PRKG1: variants seen among roughly 807,000 people sequenced by gnomAD.
The protein encoded by PRKG1 is cGMP-dependent protein kinase 1.
In PRKG1, 35 loss-of-function variants were observed where a neutral mutation model predicts 88.1. That is an observed-to-expected ratio of 0.40 (90% confidence interval 0.30 to 0.53). The LOEUF is 0.53. PRKG1 is among the 20% of genes least tolerant of loss of function. The pLI is 0.59. For missense variants in PRKG1, 540 were observed against 839.8 expected, an observed-to-expected ratio of 0.64 and a Z score of 4.41; for synonymous variants, 303 against 292.5, an observed-to-expected ratio of 1.04 and a Z score of -0.37.
intron 9 of PRKG1, among the ~76,000 whole-genome samples, chr10:52,215,910 C>T (rs1840098919): frequency 6.6e-6 from 1 of 152,142 alleles, no homozygotes; most frequent in Non-Finnish European, 1.5e-5. Flanking sequence ...AAAGGCCTAA[C>T]TTGAAGGCAA....
chr10:51,681,302 A>T (rs185773836), intron 3 of PRKG1, among the ~76,000 whole-genome samples: 10 of 152,180 alleles, frequency 6.6e-5, no homozygotes, highest in African/African-American at 2.4e-4. Context: ...TAAATTTTAT[A>T]TAGAATATTA....
At chr10:52,174,284 GA>G (rs537204467) in intron 9 of PRKG1, among the ~76,000 whole-genome samples, 13 of 144,516 alleles carry the variant, frequency 9.0e-5, no homozygotes, top group East Asian at 4.0e-4. Flanking sequence ...TAAGTTTAAA[GA>G]AAAAAAAAAG....
chr10:51,267,370 T>C (rs957428889), intron 2 of PRKG1, among the ~76,000 whole-genome samples: 3 of 152,222 alleles, frequency 2.0e-5, no homozygotes, highest in Admixed American at 6.6e-5. Flanking sequence ...ACACAGTTTA[T>C]ATAGTGTCAT....
chr10:52,015,986 A>G (rs78211777), intron 5 of PRKG1, among the ~76,000 whole-genome samples: 6,832 of 152,294 alleles, frequency 0.045, 373 homozygotes, highest in African/African-American at 0.13. Context: ...TTTGGTCAAA[A>G]CCATTAAACA....
intron 4 of PRKG1, among the ~76,000 whole-genome samples, chr10:51,821,191 C>A (rs186823103): frequency 9.7e-4 from 148 of 152,250 alleles, no homozygotes; most frequent in African/African-American, 3.5e-3. Flanking sequence ...AAAGTTTATT[C>A]TTGCTTTGTA....
At chr10:51,114,794 T>C (rs1337422640) in intron 1 of PRKG1, among the ~76,000 whole-genome samples, 1 of 152,164 alleles carries the variant, frequency 6.6e-6, no homozygotes, top group Non-Finnish European at 1.5e-5. Context: ...TGCTAAAACA[T>C]TGTATAGGTT....
chr10:51,005,103 C>T (rs960549435), intron 1 of PRKG1, among the ~76,000 whole-genome samples: 21 of 152,002 alleles, frequency 1.4e-4, no homozygotes, highest in Middle Eastern at 3.4e-3. Flanking sequence ...ATTTACTGAA[C>T]GATATCTTTG....
At chr10:51,225,511 AT>A (rs1489900434) in intron 2 of PRKG1, among the ~76,000 whole-genome samples, 1 of 152,220 alleles carries the variant, frequency 6.6e-6, no homozygotes, top group African/African-American at 2.4e-5. Context: ...CTTGTTTAAT[AT>A]GCTTCATTTC....
In PRKG1 at chr10:51,889,367, T is replaced by A. The variant is rs75771256; in HGVS notation, c.699-18140T>A. ...GAATGATGATTTCCGGCTTCATCCA[T>A]GTCCCTACAAAGGACATGAACTTAT... On this transcript the variant is annotated intron_variant, in intron 4 of 17. Coordinates refer to ENST00000373980, the MANE Select transcript of PRKG1 (RefSeq NM_006258.4). Among the ~76,000 whole-genome samples the A allele has an allele frequency of 4.5e-3, 688 of 152,182 alleles. 3 individuals carry two copies. The highest frequency in any genetic ancestry group is 0.024 in the South Asian group (114 of 4,816).
intron 6 of PRKG1, among the ~76,000 whole-genome samples, chr10:52,056,333 G>GT (rs1846109398): frequency 6.6e-6 from 1 of 152,138 alleles, no homozygotes; most frequent in South Asian, 2.1e-4. Context: ...TTCTAGATTT[G>GT]TTTTTTCTTT....
chr10:52,261,686 A>C (rs773420504), intron 10 of PRKG1, among the ~76,000 whole-genome samples: 1 of 152,096 alleles, frequency 6.6e-6, no homozygotes, highest in Non-Finnish European at 1.5e-5. Context: ...GTTCATTCTT[A>C]AATTTCAGAC....
At chr10:51,628,075 TCTTTCTTTCTTTCCTTCCTTCC>T in intron 3 of PRKG1, among the ~76,000 whole-genome samples, 1 of 136,468 alleles carries the variant, frequency 7.3e-6, no homozygotes, top group Non-Finnish European at 1.7e-5. Context: ...TTTCCTTCTT[TCTTTCTTTCTTTCCTTCCTTCC>T]CTTTCTTTCT....
intron 5 of PRKG1, among the ~76,000 whole-genome samples, chr10:51,983,973 G>C (rs920927619): frequency 6.6e-6 from 1 of 152,154 alleles, no homozygotes; most frequent in African/African-American, 2.4e-5. Context: ...AAAAATTAGG[G>C]GCACCTATTT....
rs568250203 is a variant in PRKG1, at chr10:51,893,636, A to C, written c.699-13871A>C. The stretch of plus-strand genomic sequence containing the variant: ...GTACCCACTACATGGCATGCTCTAT[A>C]TTAAGTATAGCATTACAGAAGCTAA... On this transcript the variant is annotated intron_variant, in intron 4 of 17. Coordinates refer to ENST00000373980, the MANE Select transcript of PRKG1 (RefSeq NM_006258.4). Among the ~76,000 whole-genome samples the C allele has an allele frequency of 2.3e-3, 356 of 152,292 alleles. 2 individuals are homozygous for C. The highest frequency in any genetic ancestry group is 3.9e-3 in the Non-Finnish European group (265 of 68,020).
At chr10:52,118,796 T>A (rs1847748675) in intron 7 of PRKG1, among the ~76,000 whole-genome samples, 1 of 152,198 alleles carries the variant, frequency 6.6e-6, no homozygotes, top group African/African-American at 2.4e-5. Flanking sequence ...TCACTAAAAA[T>A]TTTTGCTTAG....
At chr10:51,234,787 C>CTG (rs1838939460) in intron 2 of PRKG1, among the ~76,000 whole-genome samples, 1 of 151,814 alleles carries the variant, frequency 6.6e-6, no homozygotes, top group African/African-American at 2.4e-5. Context: ...AGTATTATTT[C>CTG]TGAATGGAAA....
intron 3 of PRKG1, among the ~76,000 whole-genome samples, chr10:51,587,249 G>A (rs538157378): frequency 1.3e-5 from 2 of 152,198 alleles, no homozygotes; most frequent in South Asian, 4.2e-4. Flanking sequence ...AATATTAATA[G>A]TAGTAATAAT....
At chr10:51,869,329 A>C (rs1319788049) in intron 4 of PRKG1, among the ~76,000 whole-genome samples, 2 of 152,070 alleles carry the variant, frequency 1.3e-5, no homozygotes, top group Non-Finnish European at 2.9e-5. Context: ...ATTGTTTATC[A>C]TAGACAAGAA....
intron 2 of PRKG1, among the ~76,000 whole-genome samples, chr10:51,325,842 GCCCAGTCTCAGCT>G (rs1841577291): frequency 6.6e-6 from 1 of 152,124 alleles, no homozygotes; most frequent in Non-Finnish European, 1.5e-5. Context: ...CTCCTCAGGG[GCCCAGTCTCAGCT>G]CCAACCATTC....
Sources: gnomAD v4.1 joint callset for allele counts (sites outside exome capture counted in the v4.1 genomes callset) on GRCh38, gnomAD v4.1.1 for gene constraint, MANE v1.5 for transcripts, NCBI Gene and HGNC (gene_info 2026-07-23, HGNC 2026-07-21) for gene names.